LRP1B: variants seen among roughly 807,000 people sequenced by gnomAD.
LRP1B encodes low-density lipoprotein receptor-related protein 1B.
In LRP1B, 217 loss-of-function variants were observed where a neutral mutation model predicts 556.6. The ratio of observed to expected loss-of-function variants is 0.39; its 90% CI spans 0.35 to 0.44. The LOEUF (loss-of-function observed/expected upper bound fraction) is 0.44. Among genes scored for constraint, LRP1B ranks in the 20% least tolerant of loss-of-function variants. The probability of loss-of-function intolerance (pLI) is 1.00; values close to 1 mark genes in which losing one functional copy is unlikely to be tolerated. For missense variants in LRP1B, 5,053 were observed against 5,620.8 expected, an observed-to-expected ratio of 0.90 and a Z score of 3.23; for synonymous variants, 2,047 against 1,865.8, an observed-to-expected ratio of 1.10 and a Z score of -2.50.
intron 2 of LRP1B, among the ~76,000 whole-genome samples, chr2:141,496,549 C>G (rs539111919): frequency 6.6e-6 from 1 of 151,924 alleles, no homozygotes; most frequent in East Asian, 1.9e-4. Context: ...CATTCAACCA[C>G]GAATTAAACA....
intron 41 of LRP1B, among the ~76,000 whole-genome samples, chr2:140,644,808 A>C (rs1162835992): frequency 6.6e-6 from 1 of 152,162 alleles, no homozygotes; most frequent in Non-Finnish European, 1.5e-5. Flanking sequence ...TGGGTGCGTG[A>C]GTATTTACAG....
chr2:140,465,720 CAAAAAAA>C (rs34468644), intron 60 of LRP1B, among the ~76,000 whole-genome samples: 2 of 80,340 alleles, frequency 2.5e-5, no homozygotes, highest in Admixed American at 2.8e-4. Context: ...ATGACATTTG[CAAAAAAA>C]AAAAAAAGAA....
intron 74 of LRP1B, among the ~76,000 whole-genome samples, chr2:140,357,752 C>T (rs1682296312): frequency 6.6e-6 from 1 of 151,582 alleles, no homozygotes; most frequent in South Asian, 2.1e-4. Flanking sequence ...ATTGATTTCT[C>T]AGCTTCTGCT....
intron 2 of LRP1B, among the ~76,000 whole-genome samples, chr2:141,730,241 A>G (rs571051251): frequency 4.6e-5 from 7 of 152,224 alleles, no homozygotes; most frequent in African/African-American, 1.4e-4. Context: ...CTGGTCTCCA[A>G]ATGGAACAGT....
chr2:140,723,741 T>A (rs1391419647), intron 35 of LRP1B, among the ~76,000 whole-genome samples: 4 of 152,218 alleles, frequency 2.6e-5, no homozygotes, highest in Non-Finnish European at 5.9e-5. Flanking sequence ...TAAGTATAAA[T>A]GTGGCTTTAT....
At chr2:140,388,196 C>T (rs942668625) in intron 66 of LRP1B, among the ~76,000 whole-genome samples, 76 of 152,268 alleles carry the variant, frequency 5.0e-4, no homozygotes, top group African/African-American at 1.8e-3. Flanking sequence ...CTCAGCCTCC[C>T]AACGTGTTGG....
rs916739043 is a variant in LRP1B at position 140,490,747 on chromosome 2, C to T, written c.9120+1861G>A. On this transcript the variant is annotated intron_variant, in intron 57 of 90. Transcript: ENST00000389484. Reference sequence around the variant, plus strand: ...AAGAAATGACATATTCCCAGCAGCCCATAGGCAAAACTGGGCAGAAGGCTT... The same window carrying T: ...AAGAAATGACATATTCCCAGCAGCCTATAGGCAAAACTGGGCAGAAGGCTT... 4.6e-5 allele frequency among the ~76,000 whole-genome samples: 7 copies of T among 152,042 alleles called. No homozygotes were observed. The East Asian group carries it at 9.6e-4, about 21-fold the overall frequency.
At chr2:141,697,410 G>GAAA (rs1449569379) in intron 2 of LRP1B, among the ~76,000 whole-genome samples, 2 of 151,898 alleles carry the variant, frequency 1.3e-5, no homozygotes, top group East Asian at 3.9e-4. Context: ...TACTCTCCTT[G>GAAA]TTAATGTCCT....
chr2:141,869,638 A>G (rs1465971878), intron 1 of LRP1B, among the ~76,000 whole-genome samples: 1 of 152,126 alleles, frequency 6.6e-6, no homozygotes, highest in Admixed American at 6.5e-5. Context: ...TTTCCATGCT[A>G]TGTGCCTTCA....
At chr2:140,494,686 T>C (rs1284917586) in intron 56 of LRP1B, among the ~76,000 whole-genome samples, 1 of 151,478 alleles carries the variant, frequency 6.6e-6, no homozygotes, top group African/African-American at 2.4e-5. Context: ...GATGGTGGAA[T>C]GAAAAATTGA....
At chr2:141,658,106 G>A (rs1308279912) in intron 2 of LRP1B, among the ~76,000 whole-genome samples, 1 of 151,974 alleles carries the variant, frequency 6.6e-6, no homozygotes, top group Non-Finnish European at 1.5e-5. Context: ...TCATTTCATA[G>A]GGAAGAAATT....
At chr2:140,973,597 A>G (rs1696502908) in intron 18 of LRP1B, among the ~76,000 whole-genome samples, 1 of 152,170 alleles carries the variant, frequency 6.6e-6, no homozygotes, top group Non-Finnish European at 1.5e-5. Context: ...TAATTGACTG[A>G]AAACTCAACA....
Position 141,921,307 on chromosome 2 carries a change from T to C in LRP1B, c.83-110906A>G, listed in dbSNP as rs59685255. Among the ~76,000 whole-genome samples the C allele has an allele frequency of 3.8e-3, 583 of 152,162 alleles. 7 individuals are homozygous for C. Among genetic ancestry groups the C allele is most frequent in the African/African-American group, 0.014 (564 of 41,550 alleles). ...GAGAATCTATCCTTAAAAATTATTT[T>C]ATTTCAATAATCAGCTTTCTGGTAA... On this transcript the variant is annotated intron_variant, in intron 1 of 90. Coordinates refer to ENST00000389484, the MANE Select transcript of LRP1B (RefSeq NM_018557.3).
chr2:141,004,982 G>A (rs1433716880), intron 15 of LRP1B, among the ~76,000 whole-genome samples: 2 of 151,998 alleles, frequency 1.3e-5, no homozygotes, highest in African/African-American at 2.4e-5. Context: ...GCCATTTAAA[G>A]TCATTGTAGG....
chr2:141,349,967 C>T (rs753781772), intron 3 of LRP1B, among the ~76,000 whole-genome samples: 15 of 152,102 alleles, frequency 9.9e-5, no homozygotes, highest in Non-Finnish European at 2.1e-4. Context: ...TACAGTTCCA[C>T]GTGGCTGGGG....
chr2:140,957,132 T>C (rs1208188422), intron 18 of LRP1B, among the ~76,000 whole-genome samples: 1 of 151,782 alleles, frequency 6.6e-6, no homozygotes, highest in Non-Finnish European at 1.5e-5. Context: ...ATAGGCAATG[T>C]AATGTGTTAT....
chr2:141,865,318 C>T (rs555242808), intron 1 of LRP1B, among the ~76,000 whole-genome samples: 2 of 152,028 alleles, frequency 1.3e-5, no homozygotes, highest in Non-Finnish European at 2.9e-5. Context: ...AATGGCCGGG[C>T]GCGGTGGCTC....
intron 2 of LRP1B, among the ~76,000 whole-genome samples, chr2:141,799,596 C>T (rs942938198): frequency 2.6e-5 from 4 of 152,098 alleles, no homozygotes; most frequent in African/African-American, 7.2e-5. Context: ...GATAAGTCCC[C>T]AGCCTGAGGG....
intron 77 of LRP1B, among the ~76,000 whole-genome samples, chr2:140,348,944 G>A (rs1681825566): frequency 6.6e-6 from 1 of 152,026 alleles, no homozygotes; most frequent in African/African-American, 2.4e-5. Flanking sequence ...TAGAGTGTGT[G>A]GGGGATTAGA....
Sources: gnomAD v4.1 joint callset for allele counts (sites outside exome capture counted in the v4.1 genomes callset) on GRCh38, gnomAD v4.1.1 for gene constraint, MANE v1.5 for transcripts, NCBI Gene and HGNC (gene_info 2026-07-23, HGNC 2026-07-21) for gene names.